FSIP1: variants seen among roughly 807,000 people sequenced by gnomAD.
The protein encoded by FSIP1 is fibrous sheath-interacting protein 1.
Under a neutral mutation model 60.9 loss-of-function variants are expected in FSIP1, and 65 were observed. That is an observed-to-expected ratio of 1.07 (90% CI 0.87 to 1.31). The LOEUF (loss-of-function observed/expected upper bound fraction) is 1.31, where lower values mean the gene tolerates loss of function less well. Ranked by LOEUF, FSIP1 falls within the 40% of genes most tolerant of loss-of-function variation. FSIP1 has a pLI of 0.00. For synonymous variants in FSIP1, 209 were observed against 221.2 expected (o/e 0.94, Z 0.49); for missense variants, 675 against 665.5 (o/e 1.01, Z -0.16).
chr15:39,648,334 A>G (rs1313152180), intron 10 of FSIP1, among the ~76,000 whole-genome samples: 5 of 152,182 alleles, frequency 3.3e-5, no homozygotes, highest in Non-Finnish European at 1.5e-5. Flanking sequence ...AAATGTCCAT[A>G]GAATTGAAGG....
intron 10 of FSIP1, among the ~76,000 whole-genome samples, chr15:39,657,193 G>A (rs78826145): frequency 1.1e-3 from 171 of 152,342 alleles, no homozygotes; most frequent in African/African-American, 3.7e-3. Context: ...CCATGTGAGA[G>A]ACCTCACTTA....
chr15:39,739,893 CAGA>C (rs1398389164), intron 6 of FSIP1, 104 bp from the exon 7 acceptor site: 5 of 636,394 alleles, frequency 7.9e-6, no homozygotes, highest in Admixed American at 3.8e-5. Flanking sequence ...AAAACACACA[CAGA>C]AGAACTAACT....
At chr15:39,660,428 GA>G (rs1159590761) in intron 10 of FSIP1, among the ~76,000 whole-genome samples, 1 of 152,218 alleles carries the variant, frequency 6.6e-6, no homozygotes, top group African/African-American at 2.4e-5. Flanking sequence ...AGAGATCACT[GA>G]GTATTTATGA....
chr15:39,624,054 T>C (rs1358306492), intron 10 of FSIP1, among the ~76,000 whole-genome samples: 1 of 152,152 alleles, frequency 6.6e-6, no homozygotes. Context: ...ACTGGCCAGG[T>C]TGATGGACTG....
chr15:39,698,319 T>A (rs1456351569), intron 10 of FSIP1, among the ~76,000 whole-genome samples: 2 of 152,104 alleles, frequency 1.3e-5, no homozygotes, highest in Admixed American at 1.3e-4. Context: ...AGCAGAAGAT[T>A]TAAAATTACT....
chr15:39,745,062 G>C (rs12899969), intron 5 of FSIP1, among the ~76,000 whole-genome samples: 40,661 of 151,508 alleles, frequency 0.27, 6,676 homozygotes, highest in Non-Finnish European at 0.38. Context: ...ACGCCTCTGA[G>C]AGAACAGCAA....
At chr15:39,631,055 C>A (rs1383220922) in intron 10 of FSIP1, among the ~76,000 whole-genome samples, 1 of 152,218 alleles carries the variant, frequency 6.6e-6, no homozygotes, top group Non-Finnish European at 1.5e-5. Context: ...GTAAGCTCCT[C>A]GGGCTGGCAC....
At chr15:39,746,340 C>T (rs1417502902) in intron 5 of FSIP1, among the ~76,000 whole-genome samples, 1 of 152,188 alleles carries the variant, frequency 6.6e-6, no homozygotes, top group Admixed American at 6.5e-5. Flanking sequence ...AAACCAGAGT[C>T]CCCATCTCCT....
chr15:39,608,830 C>T (rs989443122), intron 11 of FSIP1, among the ~76,000 whole-genome samples: 2 of 152,092 alleles, frequency 1.3e-5, no homozygotes, highest in South Asian at 2.1e-4. Context: ...ACTCCCTGAA[C>T]GTGAAAAGCT....
chr15:39,663,405 T>C (rs990288700), intron 10 of FSIP1, among the ~76,000 whole-genome samples: 2 of 152,126 alleles, frequency 1.3e-5, no homozygotes, highest in Non-Finnish European at 2.9e-5. Flanking sequence ...TCTAAACAGA[T>C]ACAAATAACC....
At chr15:39,687,168 G>A (rs1410295979) in intron 10 of FSIP1, among the ~76,000 whole-genome samples, 4 of 32,410 alleles carry the variant, frequency 1.2e-4, no homozygotes, top group African/African-American at 5.0e-4. Flanking sequence ...TTTTTTTTGA[G>A]ACAGAGTTTT....
intron 11 of FSIP1, among the ~76,000 whole-genome samples, chr15:39,615,065 T>C (rs945635182): frequency 6.6e-6 from 1 of 152,180 alleles, no homozygotes; most frequent in African/African-American, 2.4e-5. Context: ...TGAATATCCA[T>C]ATGCAGAATA....
In FSIP1 at chr15:39,715,276, C is replaced by T. The variant is rs532585359; in HGVS notation, c.1051-1695G>A. On this transcript the variant is annotated intron_variant, in intron 9 of 11. Coordinates refer to ENST00000350221, the MANE Select transcript of FSIP1 (RefSeq NM_152597.5). The stretch of plus-strand genomic sequence containing the variant: ...ACCCTCCAACTCCTGAGACTCCTAC[C>T]CATTTTGGGCCCAGTTCAAGCATAT... 4.9e-4 allele frequency among the ~76,000 whole-genome samples: 74 copies of T among 152,198 alleles called. No homozygotes were observed. In the South Asian group the frequency reaches 0.015, roughly 31 times the overall value.
intron 10 of FSIP1, among the ~76,000 whole-genome samples, chr15:39,655,204 G>C (rs1020407016): frequency 6.6e-6 from 1 of 152,252 alleles, no homozygotes; most frequent in East Asian, 1.9e-4. Context: ...TATATGAAAA[G>C]AGATTTAAAA....
intron 11 of FSIP1, among the ~76,000 whole-genome samples, chr15:39,615,669 A>C (rs9302102): frequency 0.23 from 34,539 of 150,858 alleles, 5,386 homozygotes; most frequent in African/African-American, 0.44. Context: ...GGGCAGATCA[A>C]GAGGTGAGAT....
intron 10 of FSIP1, among the ~76,000 whole-genome samples, chr15:39,676,100 A>T (rs1218173745): frequency 6.7e-6 from 1 of 149,862 alleles, no homozygotes; most frequent in Non-Finnish European, 1.5e-5. Flanking sequence ...GTGAACCCGG[A>T]AGGCGGAGGT....
chr15:39,599,707 C>G (rs1890574097), downstream of FSIP1, among the ~76,000 whole-genome samples: 1 of 152,180 alleles, frequency 6.6e-6, no homozygotes. Context: ...TCTTCCCACC[C>G]AAACCCTAAA....
chr15:39,647,947 T>C lies in FSIP1; in HGVS notation c.1189-29702A>G, dbSNP rs1455526331. The stretch of plus-strand genomic sequence containing the variant: ...TAATCAAAAGTAAGTTAGTCACTGG[T>C]ATTTAATGCACACAAGAATCTAGTA... On this transcript the variant is annotated intron_variant, in intron 10 of 11. Coordinates refer to ENST00000350221, the MANE Select transcript of FSIP1 (RefSeq NM_152597.5). Among the ~76,000 whole-genome samples the C allele has an allele frequency of 2.0e-5, 3 of 151,062 alleles. No homozygotes were observed. In the East Asian group the frequency reaches 5.8e-4, roughly 29 times the overall value.
chr15:39,631,819 A>G (rs575547631), intron 10 of FSIP1, among the ~76,000 whole-genome samples: 1 of 152,330 alleles, frequency 6.6e-6, no homozygotes, highest in Non-Finnish European at 1.5e-5. Flanking sequence ...ATGGCAGAAA[A>G]CCATTTCTGT....
Sources: allele counts gnomAD v4.1 joint callset (sites outside exome capture counted in the v4.1 genomes callset), GRCh38; gene constraint gnomAD v4.1.1; transcripts MANE v1.5; gene names NCBI Gene and HGNC (gene_info 2026-07-23, HGNC 2026-07-21).